The following SLC17A8 variants were observed in gnomAD, a reference collection of about 807,000 sequenced individuals.
SLC17A8 encodes solute carrier family 17 member 8.
SLC17A8 carries 31 observed loss-of-function variants against 58.0 expected under a neutral mutation model. The observed-to-expected ratio is 0.53, with a 90% CI of 0.40 to 0.72. The LOEUF (loss-of-function observed/expected upper bound fraction) is 0.72. SLC17A8 is among the 30% of genes least tolerant of loss of function. The pLI is 0.00. For missense variants in SLC17A8, 655 were observed against 727.8 expected, an observed-to-expected ratio of 0.90 and a Z score of 1.15; for synonymous variants, 228 against 249.0, an observed-to-expected ratio of 0.92 and a Z score of 0.79.
At chr12:100,382,324 T>C (rs1952643620) in intron 2 of SLC17A8, among the ~76,000 whole-genome samples, 1 of 152,244 alleles carries the variant, frequency 6.6e-6, no homozygotes, top group Admixed American at 6.5e-5. Context: ...ATCATAGTTA[T>C]AAGCAAGGAT....
At chr12:100,394,711 C>A (rs980664465) in intron 4 of SLC17A8, among the ~76,000 whole-genome samples, 20 of 148,726 alleles carry the variant, frequency 1.3e-4, no homozygotes, top group Non-Finnish European at 3.0e-4. Context: ...CCACTAGTTA[C>A]ATCTTTTTCA....
intron 1 of SLC17A8, among the ~76,000 whole-genome samples, chr12:100,378,428 G>C (rs1422974413): frequency 6.6e-6 from 1 of 152,020 alleles, no homozygotes; most frequent in Non-Finnish European, 1.5e-5. Context: ...GCTGGAGTGG[G>C]TCCAGGAGAG....
chr12:100,362,293 G>A (rs1039667040), intron 1 of SLC17A8, among the ~76,000 whole-genome samples: 10 of 152,212 alleles, frequency 6.6e-5, no homozygotes, highest in Admixed American at 2.6e-4. Flanking sequence ...AACCAGAACT[G>A]TCACCTCATC....
chr12:100,419,560 T>TA (rs1309286980), intron 11 of SLC17A8, among the ~76,000 whole-genome samples: 4 of 152,050 alleles, frequency 2.6e-5, no homozygotes, highest in Non-Finnish European at 5.9e-5. Flanking sequence ...TTTTCTAAAT[T>TA]AAAAAAATAC....
intron 1 of SLC17A8, among the ~76,000 whole-genome samples, chr12:100,377,206 C>T (rs1952600462): frequency 6.6e-6 from 1 of 152,138 alleles, no homozygotes; most frequent in Non-Finnish European, 1.5e-5. Flanking sequence ...GTCCTATCAT[C>T]CAACTGCCTC....
chr12:100,411,930 GCT>G (rs1952871060), intron 9 of SLC17A8, among the ~76,000 whole-genome samples: 2 of 151,720 alleles, frequency 1.3e-5, no homozygotes. Context: ...GGGGTGAAGT[GCT>G]GTTTTTGTTT....
chr12:100,357,642 A>G (rs941503898), intron 1 of SLC17A8, 150 bp downstream of exon 1: 5 of 672,800 alleles, frequency 7.4e-6, no homozygotes, highest in Non-Finnish European at 1.4e-5. Flanking sequence ...TAGCTCCAGT[A>G]GTCTATGCCT....
chr12:100,402,400 C>T lies in SLC17A8; in HGVS notation c.824C>T (p.Ala275Val). The T allele has an allele frequency of 8.1e-6, 13 of 1,614,050 alleles. No homozygotes were observed. Among genetic ancestry groups the T allele is most frequent in the Non-Finnish European group, 1.1e-5 (13 of 1,179,992 alleles). Residue 275 changes from alanine to valine, a missense_variant, in exon 7 of 12, where the codon GCT becomes GTT. By Grantham distance (64) the Ala-to-Val change is moderately conservative. Transcript: ENST00000323346. ...WLLQAYECPA[A>V]HPTISNEEKT... Reference sequence around the variant, plus strand: ...TTGCAGGCCTATGAGTGCCCAGCAGCTCATCCAACAATATCCAATGAGGAG... The same window carrying T: ...TTGCAGGCCTATGAGTGCCCAGCAGTTCATCCAACAATATCCAATGAGGAG...
At chr12:100,407,160 A>C (rs1952831944) in intron 9 of SLC17A8, among the ~76,000 whole-genome samples, 1 of 152,200 alleles carries the variant, frequency 6.6e-6, no homozygotes. Context: ...TATGTTCAAG[A>C]CACAAAAAAC....
At chr12:100,371,901 T>C (rs992403132) in intron 1 of SLC17A8, among the ~76,000 whole-genome samples, 1 of 152,192 alleles carries the variant, frequency 6.6e-6, no homozygotes, top group Non-Finnish European at 1.5e-5. Context: ...GTCTCAGTCT[T>C]CTGAGCAGTA....
Position 100,357,353 on chromosome 12 carries a change from G to T in SLC17A8, c.-39G>T. On this transcript the variant is annotated 5_prime_UTR_variant, in exon 1 of 12. Coordinates refer to ENST00000323346, the MANE Select transcript of SLC17A8 (RefSeq NM_139319.3). ...AATGAGGAAGGATGACAGTTTTTGA[G>T]ACTGACTGTTAACGGCTCAGAGGTG... 8.7e-7 allele frequency: 1 copy of T among 1,144,078 alleles called. No homozygotes were observed. The highest frequency in any genetic ancestry group is 1.3e-6 in the Non-Finnish European group (1 of 751,084). 70.9% of individuals were successfully genotyped at this position (1,144,078 alleles called of 1,614,324 possible). A position where few individuals can be genotyped will look rare whatever the true frequency, so the allele number is the denominator to read the frequency against.
At chr12:100,386,936 G>A (rs1433927441) in intron 2 of SLC17A8, among the ~76,000 whole-genome samples, 4 of 152,218 alleles carry the variant, frequency 2.6e-5, no homozygotes, top group South Asian at 2.1e-4. Flanking sequence ...TGATCTACCC[G>A]CCTTGGGCTC....
At chr12:100,404,357 C>T (rs1419597106) in intron 9 of SLC17A8, 187 bp downstream of exon 9, 1 of 671,790 alleles carries the variant, frequency 1.5e-6, no homozygotes, top group Non-Finnish European at 2.6e-6. Context: ...CAGCTGGGAC[C>T]TTTCCATACA....
At chr12:100,400,944 T>G (rs1384855663) in intron 5 of SLC17A8, among the ~76,000 whole-genome samples, 1 of 150,788 alleles carries the variant, frequency 6.6e-6, no homozygotes, top group East Asian at 1.9e-4. Flanking sequence ...ATTCAGGAGC[T>G]GAATGGAGAC....
intron 5 of SLC17A8, among the ~76,000 whole-genome samples, chr12:100,398,742 C>T (rs1313639372): frequency 1.3e-5 from 2 of 152,176 alleles, no homozygotes; most frequent in Non-Finnish European, 2.9e-5. Flanking sequence ...CAAATCTCAT[C>T]TTGTAGCTCC....
rs906343711 is a variant in SLC17A8 at position 100,370,102 on chromosome 12, A to AT, written c.102-10592dup. 2.3e-3 allele frequency among the ~76,000 whole-genome samples: 345 copies of AT among 151,910 alleles called. 1 individual carries two copies. The highest frequency in any genetic ancestry group is 7.8e-3 in the African/African-American group (324 of 41,442). On this transcript the variant is annotated intron_variant, in intron 1 of 11. Transcript: ENST00000323346. Reference sequence around the variant, plus strand: ...TTGAGCTATCTCCTGATATTTATTTATTTTTTTATTTATTTAATACAATTT... The same window carrying AT: ...TTGAGCTATCTCCTGATATTTATTTATTTTTTTTATTTATTTAATACAATTT...
At chr12:100,393,018 C>T (rs1952727464) in intron 3 of SLC17A8, among the ~76,000 whole-genome samples, 1 of 152,142 alleles carries the variant, frequency 6.6e-6, no homozygotes, top group Non-Finnish European at 1.5e-5. Context: ...CATAGTTGGT[C>T]CAGGGGCCAG....
rs1952953162 is a variant in SLC17A8, at chr12:100,421,911, C to T, written c.*1752C>T. On this transcript the variant is annotated 3_prime_UTR_variant, in exon 12 of 12. Coordinates refer to ENST00000323346, the MANE Select transcript of SLC17A8 (RefSeq NM_139319.3). ...ATGCAGAAAATGCCCACGTAAATAG[C>T]TGTCATCATCATTATCTTTTAACAT... 1 of 152,062 alleles carries T rather than the reference C, an allele frequency of 6.6e-6. No individual in the cohort carries two copies. The highest frequency in any genetic ancestry group is 1.5e-5 in the Non-Finnish European group (1 of 68,000). The allele number at this position is 152,062 out of a possible 1,614,324, so 9.4% of individuals were successfully genotyped here.
intron 9 of SLC17A8, among the ~76,000 whole-genome samples, chr12:100,408,125 T>G (rs1952839956): frequency 6.6e-6 from 1 of 152,178 alleles, no homozygotes; most frequent in Non-Finnish European, 1.5e-5. Flanking sequence ...TGGTTGGCTT[T>G]TTGGTTTCCT....
Sources: gnomAD v4.1 joint callset for allele counts (sites outside exome capture counted in the v4.1 genomes callset) on GRCh38, gnomAD v4.1.1 for gene constraint, MANE v1.5 for transcripts, NCBI Gene and HGNC (gene_info 2026-07-23, HGNC 2026-07-21) for gene names.